Variants in POU2F1 observed in about 807,000 individuals in gnomAD.
POU2F1 encodes POU class 2 homeobox 1, also known as POU domain, class 2, transcription factor 1.
Under a neutral mutation model 84.9 loss-of-function variants are expected in POU2F1, and 16 were observed. The ratio of observed to expected loss-of-function variants is 0.19; its 90% CI spans 0.13 to 0.29. POU2F1 has a LOEUF of 0.29. Ranked by LOEUF, POU2F1 falls within the 10% of genes least tolerant of loss-of-function variation. The pLI, the probability that POU2F1 is intolerant of heterozygous loss-of-function variation, is 1.00. For synonymous variants in POU2F1, 368 were observed against 368.3 expected (o/e 1.00, Z 0.01); for missense variants, 738 against 942.6 (o/e 0.78, Z 2.84).
chr1:167,387,240 A>T (rs1234680194), intron 8 of POU2F1: 1 of 455,860 alleles, frequency 2.2e-6, no homozygotes, highest in Non-Finnish European at 4.4e-6. Flanking sequence ...TAACCACCCC[A>T]TCTAAAGGTA....
chr1:167,280,809 C>T (rs1383103675), intron 1 of POU2F1, among the ~76,000 whole-genome samples: 1 of 152,146 alleles, frequency 6.6e-6, no homozygotes, highest in Non-Finnish European at 1.5e-5. Flanking sequence ...GCTAAAGTAT[C>T]AGCTTAGATT....
chr1:167,286,839 T>A (rs1653561816), intron 1 of POU2F1, among the ~76,000 whole-genome samples: 1 of 152,222 alleles, frequency 6.6e-6, no homozygotes, highest in Non-Finnish European at 1.5e-5. Flanking sequence ...CCTGAAAAAT[T>A]CTGTGAAATG....
In POU2F1 at chr1:167,224,825, C is replaced by CTT. The variant is rs774351969; in HGVS notation, c.61+3886_61+3887dup. 3.4e-3 allele frequency among the ~76,000 whole-genome samples: 414 copies of CTT among 122,188 alleles called. 3 individuals are homozygous for CTT. Among genetic ancestry groups the CTT allele is most frequent in the Middle Eastern group, 0.024 (5 of 212 alleles). The allele number at this position is 122,188 out of a possible 152,430, so 80.2% of individuals were successfully genotyped here. ...CTAGGAAATCCATTGTCACTGTCTTCTTTTTTTTTTTTTTTTTTTTCCAGA... is the reference window on the plus strand; with the variant it reads ...CTAGGAAATCCATTGTCACTGTCTTCTTTTTTTTTTTTTTTTTTTTTTCCAGA... On this transcript the variant is annotated intron_variant, in intron 1 of 15. Transcript: ENST00000367866.
chr1:167,273,774 A>G (rs531298954), intron 1 of POU2F1, among the ~76,000 whole-genome samples: 31 of 152,356 alleles, frequency 2.0e-4, no homozygotes, highest in Middle Eastern at 3.4e-3. Flanking sequence ...TGAGTAGTGT[A>G]TGGACAAGAA....
intron 4 of POU2F1, among the ~76,000 whole-genome samples, chr1:167,370,882 A>G (rs905629655): frequency 3.9e-5 from 6 of 152,240 alleles, no homozygotes; most frequent in Non-Finnish European, 7.3e-5. Context: ...ATATGGCACA[A>G]CATGCAAAGT....
intron 1 of POU2F1, among the ~76,000 whole-genome samples, chr1:167,285,275 G>A (rs557707243): frequency 3.3e-5 from 5 of 152,276 alleles, no homozygotes; most frequent in Admixed American, 6.5e-5. Context: ...ATGTTTACCC[G>A]GTAAAAAATG....
At chr1:167,291,713 A>G (rs1653934964) in intron 1 of POU2F1, among the ~76,000 whole-genome samples, 1 of 152,222 alleles carries the variant, frequency 6.6e-6, no homozygotes, top group Non-Finnish European at 1.5e-5. Flanking sequence ...CTTTCCTCAC[A>G]TTAAGTATAA....
At chr1:167,344,493 C>CTA (rs1166631278) in intron 2 of POU2F1, among the ~76,000 whole-genome samples, 3 of 152,092 alleles carry the variant, frequency 2.0e-5, no homozygotes, top group Admixed American at 6.6e-5. Context: ...CTATATGGGG[C>CTA]TATATATATG....
chr1:167,416,179 A>G lies in POU2F1; in HGVS notation c.*369A>G. 1 of 358,516 alleles carries G rather than the reference A, an allele frequency of 2.8e-6. No homozygotes were observed. Among genetic ancestry groups the G allele is most frequent in the Admixed American group, 4.4e-5 (1 of 22,498 alleles). The allele number at this position is 358,516 out of a possible 1,614,324, so 22.2% of individuals were successfully genotyped here. A position where few individuals can be genotyped will look rare whatever the true frequency, so the allele number is the denominator to read the frequency against. On this transcript the variant is annotated 3_prime_UTR_variant, in exon 16 of 16. Coordinates refer to ENST00000367866, the MANE Select transcript of POU2F1 (RefSeq NM_002697.4). ...ATCATTTCCAGCAGTCATGATGACA[A>G]GTTAAGGTGGGTTACCAATTCCAAT...
At chr1:167,387,936 A>G (rs1648111149) in intron 8 of POU2F1, among the ~76,000 whole-genome samples, 1 of 152,244 alleles carries the variant, frequency 6.6e-6, no homozygotes, top group African/African-American at 2.4e-5. Context: ...AAGGAATTTT[A>G]TCAATGTTAG....
At chr1:167,303,954 T>TC (rs1654885099) in intron 1 of POU2F1, among the ~76,000 whole-genome samples, 1 of 152,178 alleles carries the variant, frequency 6.6e-6, no homozygotes, top group Non-Finnish European at 1.5e-5. Context: ...ACTTTGTAAA[T>TC]AATGGTTTTA....
At chr1:167,403,659 T>C (rs1295978412) in intron 13 of POU2F1, among the ~76,000 whole-genome samples, 5 of 152,242 alleles carry the variant, frequency 3.3e-5, no homozygotes, top group South Asian at 2.1e-4. Context: ...GTCTTAATCA[T>C]ACAACTTATG....
chr1:167,297,532 A>G (rs1296047740), intron 1 of POU2F1, among the ~76,000 whole-genome samples: 1 of 152,204 alleles, frequency 6.6e-6, no homozygotes, highest in Non-Finnish European at 1.5e-5. Context: ...GTAAGACTAT[A>G]TCAGAAAGGT....
intron 1 of POU2F1, among the ~76,000 whole-genome samples, chr1:167,299,680 A>G (rs1351731876): frequency 6.7e-6 from 1 of 149,260 alleles, no homozygotes; most frequent in African/African-American, 2.5e-5. Flanking sequence ...AACAGACTCA[A>G]TTCAGGAGAC....
chr1:167,374,002 A>C, intron 5 of POU2F1, 106 bp from the exon 6 acceptor site: 1 of 984,318 alleles, frequency 1.0e-6, no homozygotes, highest in Non-Finnish European at 1.6e-6. Context: ...GAAGTTGGGT[A>C]GCTGGGGACT....
chr1:167,281,678 C>T (rs1485271111), intron 1 of POU2F1, among the ~76,000 whole-genome samples: 1 of 152,136 alleles, frequency 6.6e-6, no homozygotes, highest in Non-Finnish European at 1.5e-5. Flanking sequence ...TAGGTGTAGG[C>T]TACGGTCTGG....
At chr1:167,369,094 A>T (rs572125404) in intron 3 of POU2F1, among the ~76,000 whole-genome samples, 49 of 152,216 alleles carry the variant, frequency 3.2e-4, no homozygotes, top group African/African-American at 1.1e-3. Flanking sequence ...CCTAGTTTAT[A>T]GTCTCTTTCT....
At chr1:167,405,716 ATAC>A (rs999010564) in intron 13 of POU2F1, among the ~76,000 whole-genome samples, 9 of 152,178 alleles carry the variant, frequency 5.9e-5, no homozygotes, top group African/African-American at 2.2e-4. Flanking sequence ...CGTGAAGGAT[ATAC>A]AACATTTGAG....
chr1:167,406,557 T>C (rs1649589811), intron 13 of POU2F1, among the ~76,000 whole-genome samples: 1 of 152,116 alleles, frequency 6.6e-6, no homozygotes, highest in Admixed American at 6.5e-5. Flanking sequence ...GAAGACAATT[T>C]GGAAAGGAAG....
Sources: allele counts gnomAD v4.1 joint callset (sites outside exome capture counted in the v4.1 genomes callset), GRCh38; gene constraint gnomAD v4.1.1; transcripts MANE v1.5; gene names NCBI Gene and HGNC (gene_info 2026-07-23, HGNC 2026-07-21).